Variants in CAMTA1 observed in about 807,000 individuals in gnomAD.
CAMTA1 encodes the protein calmodulin-binding transcription activator 1.
CAMTA1 carries 27 observed loss-of-function variants against 170.9 expected under a neutral mutation model. That is an observed-to-expected ratio of 0.16 (90% CI 0.12 to 0.22). The LOEUF (loss-of-function observed/expected upper bound fraction) is 0.22, where lower values mean the gene tolerates loss of function less well. Among genes scored for constraint, CAMTA1 ranks in the 10% least tolerant of loss-of-function variants. The probability of loss-of-function intolerance (pLI) is 1.00; values close to 1 mark genes in which losing one functional copy is unlikely to be tolerated. For missense variants in CAMTA1, 1,619 were observed against 2,217.2 expected, an observed-to-expected ratio of 0.73 and a Z score of 5.42; for synonymous variants, 833 against 891.5, an observed-to-expected ratio of 0.93 and a Z score of 1.17.
chr1:7,279,242 T>C (rs1331268751), intron 5 of CAMTA1, among the ~76,000 whole-genome samples: 1 of 152,188 alleles, frequency 6.6e-6, no homozygotes, highest in East Asian at 1.9e-4. Flanking sequence ...CTGATTATTG[T>C]AAAAACATTG....
intron 3 of CAMTA1, among the ~76,000 whole-genome samples, chr1:6,859,392 C>T (rs1047503552): frequency 8.5e-5 from 13 of 152,266 alleles, no homozygotes; most frequent in South Asian, 4.1e-4. Flanking sequence ...TATTGGTTGT[C>T]GTCATATTTT....
At chr1:7,185,520 G>A (rs1170232312) in intron 4 of CAMTA1, among the ~76,000 whole-genome samples, 1 of 152,162 alleles carries the variant, frequency 6.6e-6, no homozygotes, top group Non-Finnish European at 1.5e-5. Context: ...TCTTATAGTA[G>A]ATTGAAAATG....
intron 6 of CAMTA1, among the ~76,000 whole-genome samples, chr1:7,625,568 C>T (rs189570172): frequency 6.6e-5 from 10 of 152,374 alleles, no homozygotes; most frequent in South Asian, 6.2e-4. Context: ...CCCACCCCAC[C>T]GTTGTCTTCA....
chr1:6,832,452 A>T (rs1251968225), intron 3 of CAMTA1, among the ~76,000 whole-genome samples: 1 of 151,158 alleles, frequency 6.6e-6, no homozygotes, highest in Non-Finnish European at 1.5e-5. Flanking sequence ...TGTGTTTTTA[A>T]TTTTTTTTCC....
chr1:7,742,510 G>A (rs558202415), intron 16 of CAMTA1, among the ~76,000 whole-genome samples: 5 of 152,214 alleles, frequency 3.3e-5, no homozygotes, highest in South Asian at 2.1e-4. Flanking sequence ...ACTAGGACAC[G>A]AAGAAAATTT....
In CAMTA1 at chr1:7,661,714, C is replaced by T; in HGVS notation, c.665-12C>T. The T allele has an allele frequency of 6.2e-7, 1 of 1,613,944 alleles. No homozygotes were observed. The highest frequency in any genetic ancestry group is 8.5e-7 in the Non-Finnish European group (1 of 1,179,936). On this transcript the variant is annotated splice_polypyrimidine_tract_variant and intron_variant, in intron 7 of 22. Coordinates refer to ENST00000303635, the MANE Select transcript of CAMTA1 (RefSeq NM_015215.4). Reference sequence around the variant, plus strand: ...ACGGGCTCTGACAGCCCCCCTGCCTCTCTCTTCACAGTCCATGGCATCAAG... The same window carrying T: ...ACGGGCTCTGACAGCCCCCCTGCCTTTCTCTTCACAGTCCATGGCATCAAG...
At chr1:7,651,469 G>A (rs1309932349) in intron 7 of CAMTA1, among the ~76,000 whole-genome samples, 4 of 152,234 alleles carry the variant, frequency 2.6e-5, no homozygotes, top group Non-Finnish European at 2.9e-5. Flanking sequence ...CAGAGCAGAG[G>A]GGACAGGTAG....
chr1:7,607,845 T>C (rs1329669703), intron 6 of CAMTA1, among the ~76,000 whole-genome samples: 2 of 152,208 alleles, frequency 1.3e-5, no homozygotes, highest in Non-Finnish European at 2.9e-5. Flanking sequence ...AGAAGCAGAT[T>C]TGGACTCAGG....
chr1:7,130,279 C>T (rs140967694), intron 4 of CAMTA1, among the ~76,000 whole-genome samples: 1 of 152,112 alleles, frequency 6.6e-6, no homozygotes, highest in Non-Finnish European at 1.5e-5. Context: ...TTTTGAGGTT[C>T]ATACATATTG....
chr1:7,728,440 A>G (rs2096707681), intron 11 of CAMTA1, among the ~76,000 whole-genome samples: 1 of 152,178 alleles, frequency 6.6e-6, no homozygotes, highest in African/African-American at 2.4e-5. Context: ...CTGCCACCGG[A>G]TGTTGATCTT....
chr1:7,190,445 G>A (rs1654304152), intron 4 of CAMTA1, among the ~76,000 whole-genome samples: 1 of 152,136 alleles, frequency 6.6e-6, no homozygotes, highest in Admixed American at 6.5e-5. Flanking sequence ...TTATACGTGT[G>A]TAGAAAATAA....
At chr1:7,096,053 T>A (rs992459842) in intron 4 of CAMTA1, among the ~76,000 whole-genome samples, 6 of 152,248 alleles carry the variant, frequency 3.9e-5, no homozygotes. Flanking sequence ...TTAATTAGAT[T>A]GATATAGATA....
chr1:6,961,282 G>A (rs1160769722), intron 3 of CAMTA1, among the ~76,000 whole-genome samples: 2 of 152,192 alleles, frequency 1.3e-5, no homozygotes, highest in Non-Finnish European at 2.9e-5. Context: ...GCTTGCAGAA[G>A]GAGCACGCTG....
At chr1:7,108,019 T>C (rs1469597571) in intron 4 of CAMTA1, among the ~76,000 whole-genome samples, 2 of 152,142 alleles carry the variant, frequency 1.3e-5, no homozygotes, top group Non-Finnish European at 2.9e-5. Context: ...TTTGACAATG[T>C]CTGGAGACAT....
At chr1:7,705,639 G>T (rs896529675) in intron 11 of CAMTA1, among the ~76,000 whole-genome samples, 13 of 152,070 alleles carry the variant, frequency 8.5e-5, no homozygotes, top group Non-Finnish European at 1.6e-4. Flanking sequence ...CCTCCTTCCC[G>T]CGGCGGGGCC....
rs1673609867 is a variant in CAMTA1 at position 6,887,676 on chromosome 1, T to A, written c.234+62466T>A. The A allele has an allele frequency of 6.5e-7, 1 of 1,535,200 alleles. No homozygotes were observed. Among genetic ancestry groups the A allele is most frequent in the Admixed American group, 2.0e-5 (1 of 50,974 alleles). On this transcript the variant is annotated intron_variant, in intron 3 of 22. Transcript: ENST00000303635. This position sits in a 1 kb window ranked among gnomAD's most constrained non-coding sequence, Gnocchi z 4.1. ...CAGGCTCTCACCACACACTTGTTCA[T>A]GGGCGCAGCAAAGAAGAGGGATCCA...
chr1:6,940,340 C>T (rs1192720988), intron 3 of CAMTA1, among the ~76,000 whole-genome samples: 2 of 152,186 alleles, frequency 1.3e-5, no homozygotes, highest in Non-Finnish European at 1.5e-5. Context: ...AGACCAAGGC[C>T]CAGCTCCAGC....
chr1:6,879,290 C>T (rs772579084), intron 3 of CAMTA1, among the ~76,000 whole-genome samples: 1 of 152,188 alleles, frequency 6.6e-6, no homozygotes, highest in African/African-American at 2.4e-5. Flanking sequence ...GTGCTGTGAG[C>T]GAAGCCTGTG....
intron 6 of CAMTA1, among the ~76,000 whole-genome samples, chr1:7,484,528 G>A (rs1392497532): frequency 1.3e-5 from 2 of 152,196 alleles, no homozygotes; most frequent in Non-Finnish European, 2.9e-5. Context: ...GGTGGCTCAC[G>A]CCTGTAATCC....
Sources: gnomAD v4.1 joint callset for allele counts (sites outside exome capture counted in the v4.1 genomes callset) on GRCh38, gnomAD v4.1.1 for gene constraint, Gnocchi (gnomAD v3.1) non-coding constraint, MANE v1.5 for transcripts, NCBI Gene and HGNC (gene_info 2026-07-23, HGNC 2026-07-21) for gene names.